ATAD2: variants seen among roughly 807,000 people sequenced by gnomAD.
ATAD2 encodes ATPase family AAA domain containing 2.
ATAD2 carries 62 observed loss-of-function variants against 168.9 expected under a neutral mutation model. The observed-to-expected ratio is 0.37, with a 90% CI of 0.30 to 0.45. ATAD2 has a LOEUF of 0.45. ATAD2 is among the 20% of genes least tolerant of loss of function. The pLI, the probability that ATAD2 is intolerant of heterozygous loss-of-function variation, is 1.00. For missense variants in ATAD2, 1,419 were observed against 1,667.8 expected (o/e 0.85, Z 2.60); for synonymous variants, 613 against 571.6 (o/e 1.07, Z -1.03).
intron 1 of ATAD2, among the ~76,000 whole-genome samples, chr8:123,405,347 C>T (rs892308087): frequency 1.3e-5 from 2 of 150,482 alleles, no homozygotes; most frequent in Non-Finnish European, 2.9e-5. Flanking sequence ...ACCTCTGCTT[C>T]CCAGGCTCAA....
chr8:123,322,847 C>T, intron 27 of ATAD2, 91 bp downstream of exon 27: 1 of 1,352,376 alleles, frequency 7.4e-7, no homozygotes, highest in Admixed American at 2.4e-5. Context: ...GTTTCTTACA[C>T]AGATTAAATA....
chr8:123,401,672 C>A, intron 1 of ATAD2: 2 of 790,662 alleles, frequency 2.5e-6, no homozygotes. Flanking sequence ...TGGTGGCATC[C>A]TGACTGTGGG....
At chr8:123,337,570 T>C in intron 21 of ATAD2, 55 bp downstream of exon 21, 1 of 1,451,858 alleles carries the variant, frequency 6.9e-7, no homozygotes, top group Non-Finnish European at 9.3e-7. Flanking sequence ...AAATATCCTT[T>C]GATTGTGAAG....
At chr8:123,408,974 C>T (rs565463489) in intron 1 of ATAD2, among the ~76,000 whole-genome samples, 8 of 152,070 alleles carry the variant, frequency 5.3e-5, no homozygotes, top group Non-Finnish European at 1.2e-4. Context: ...ACTACAGGCG[C>T]GTGCCACCAC....
chr8:123,335,316 T>G (rs1029445738), intron 22 of ATAD2, among the ~76,000 whole-genome samples: 1 of 152,194 alleles, frequency 6.6e-6, no homozygotes. Context: ...TGTTTCCTAC[T>G]GCTTGACTCC....
At chr8:123,386,243 T>C (rs995198895) in intron 1 of ATAD2, among the ~76,000 whole-genome samples, 8 of 152,190 alleles carry the variant, frequency 5.3e-5, no homozygotes, top group Non-Finnish European at 8.8e-5. Context: ...AGCAGCATTA[T>C]TCAATTCCCA....
upstream of ATAD2, chr8:123,400,480 G>A: frequency 2.7e-6 from 1 of 374,470 alleles, no homozygotes; most frequent in South Asian, 2.1e-5. This position sits in a 1 kb window ranked among gnomAD's most constrained non-coding sequence, Gnocchi z 4.5. Context: ...AACCATTCGG[G>A]GGAACATAGT....
chr8:123,341,193 G>C (rs2131310102), intron 19 of ATAD2, among the ~76,000 whole-genome samples: 1 of 152,178 alleles, frequency 6.6e-6, no homozygotes, highest in East Asian at 1.9e-4. Context: ...ATTTTACCCA[G>C]TTTGCAATTA....
chr8:123,411,528 G>A (rs1171861866), intron 1 of ATAD2, among the ~76,000 whole-genome samples: 2 of 152,122 alleles, frequency 1.3e-5, no homozygotes, highest in African/African-American at 2.4e-5. Context: ...CTTTAAACAC[G>A]GGGCTTGCAA....
intron 1 of ATAD2, among the ~76,000 whole-genome samples, chr8:123,387,234 A>G (rs1419906626): frequency 6.6e-6 from 1 of 152,154 alleles, no homozygotes; most frequent in Non-Finnish European, 1.5e-5. Context: ...TTACTCTAAA[A>G]ATTTAATGAA....
At chr8:123,394,301 G>A (rs1221368516) in intron 1 of ATAD2, among the ~76,000 whole-genome samples, 1 of 152,138 alleles carries the variant, frequency 6.6e-6, no homozygotes, top group Non-Finnish European at 1.5e-5. Flanking sequence ...CTGAGAAGCT[G>A]AAACTGAAAT....
Position 123,402,328 on chromosome 8 carries a change from C to T in ATAD2, c.-2281-1153G>A, listed in dbSNP as rs544378604. On this transcript the variant is annotated intron_variant, in intron 1 of 28. Transcript: ENST00000521903. The surrounding 1 kb of genome is among the most constrained non-coding windows in gnomAD (Gnocchi z 4.8). ...CTGGGCCAGGCTGCCCTGGGAGGCC[C>T]CCAGAGCCCAGCCAGCTGGGCTTTC... 1.3e-5 allele frequency among the ~76,000 whole-genome samples: 2 copies of T among 152,112 alleles called. No individual in the cohort carries two copies. The highest frequency in any genetic ancestry group is 2.4e-5 in the African/African-American group (1 of 41,444).
intron 1 of ATAD2, among the ~76,000 whole-genome samples, chr8:123,392,988 C>T (rs918290201): frequency 6.6e-6 from 1 of 152,054 alleles, no homozygotes; most frequent in Non-Finnish European, 1.5e-5. Flanking sequence ...ATCGAGACCA[C>T]CCTGGCCAAC....
chr8:123,379,287 C>T (rs1201502033), intron 2 of ATAD2, among the ~76,000 whole-genome samples: 3 of 152,126 alleles, frequency 2.0e-5, no homozygotes, highest in Admixed American at 2.0e-4. Flanking sequence ...TTTAGAAATA[C>T]ACCAACACCA....
At chr8:123,356,530 A>C in intron 12 of ATAD2, 53 bp from the exon 13 acceptor site, 1 of 1,261,444 alleles carries the variant, frequency 7.9e-7, no homozygotes, top group Non-Finnish European at 1.1e-6. Flanking sequence ...TCAAACACGT[A>C]GACTTAATAT....
intron 8 of ATAD2, among the ~76,000 whole-genome samples, chr8:123,362,604 G>C (rs1401756345): frequency 6.6e-6 from 1 of 151,024 alleles, no homozygotes; most frequent in African/African-American, 2.4e-5. Context: ...TTTCGATAGA[G>C]ATGGGGTTTC....
chr8:123,324,446 C>A (rs532845000), intron 26 of ATAD2, among the ~76,000 whole-genome samples: 1 of 152,098 alleles, frequency 6.6e-6, no homozygotes, highest in South Asian at 2.1e-4. Flanking sequence ...AGGAAAAGGG[C>A]AAGAAATCAA....
chr8:123,415,997 T>C (rs555781978), intron 1 of ATAD2, among the ~76,000 whole-genome samples: 3 of 151,996 alleles, frequency 2.0e-5, no homozygotes, highest in African/African-American at 7.2e-5. Context: ...TCTTTAAACT[T>C]TTTTTTTTCA....
At chr8:123,377,200 T>C (rs192541349) in intron 2 of ATAD2, among the ~76,000 whole-genome samples, 2 of 148,736 alleles carry the variant, frequency 1.3e-5, no homozygotes, top group African/African-American at 5.0e-5. Context: ...GCCTGGGGGG[T>C]TGAGGCTACT....
Sources: allele counts gnomAD v4.1 joint callset (sites outside exome capture counted in the v4.1 genomes callset), GRCh38; gene constraint gnomAD v4.1.1; non-coding constraint Gnocchi (gnomAD v3.1); transcripts MANE v1.5; gene names NCBI Gene and HGNC (gene_info 2026-07-23, HGNC 2026-07-21).